The following SEMA3D variants were observed in gnomAD, a reference collection of about 807,000 sequenced individuals.
The protein encoded by SEMA3D is semaphorin 3D, also known as semaphorin-3D.
Under a neutral mutation model 100.1 loss-of-function variants are expected in SEMA3D, and 84 were observed. The ratio of observed to expected loss-of-function variants is 0.84; its 90% CI spans 0.70 to 1.01. The LOEUF (loss-of-function observed/expected upper bound fraction) is 1.01, where lower values mean the gene tolerates loss of function less well. SEMA3D is among the 50% of genes least tolerant of loss of function. SEMA3D has a pLI of 0.00. For synonymous variants in SEMA3D, 312 were observed against 320.7 expected (o/e 0.97, Z 0.29); for missense variants, 875 against 934.1 (o/e 0.94, Z 0.82).
At chr7:85,038,103 C>T (rs942993447) in intron 11 of SEMA3D, among the ~76,000 whole-genome samples, 13 of 151,850 alleles carry the variant, frequency 8.6e-5, no homozygotes, top group South Asian at 2.1e-4. Flanking sequence ...TGTTAAATGA[C>T]GAGTTACTGG....
At chr7:85,069,284 T>A (rs116460971) in intron 6 of SEMA3D, among the ~76,000 whole-genome samples, 5,265 of 152,254 alleles carry the variant, frequency 0.035, 308 homozygotes, top group African/African-American at 0.12. Flanking sequence ...CAGATCTTTG[T>A]TTTTCTTTTG....
chr7:85,039,909 C>T (rs1413358599), intron 11 of SEMA3D, among the ~76,000 whole-genome samples: 5 of 150,196 alleles, frequency 3.3e-5, no homozygotes, highest in African/African-American at 1.2e-4. Flanking sequence ...TTCCTTAGTA[C>T]TATCACTATG....
chr7:85,008,865 T>C (rs1290637756), intron 17 of SEMA3D, among the ~76,000 whole-genome samples: 1 of 151,740 alleles, frequency 6.6e-6, no homozygotes, highest in East Asian at 1.9e-4. Flanking sequence ...TCATGTACAA[T>C]AATATTAAAA....
chr7:85,048,402 G>T (rs1012639951), intron 9 of SEMA3D, among the ~76,000 whole-genome samples: 1 of 151,722 alleles, frequency 6.6e-6, no homozygotes, highest in Non-Finnish European at 1.5e-5. Flanking sequence ...ACTCAGGGTG[G>T]TCTATTCAGA....
rs1041590123 is a variant in SEMA3D at position 85,172,274 on chromosome 7, T to A, written c.-173+14404A>T. Among the ~76,000 whole-genome samples, 8 of 152,028 alleles carry A rather than the reference T, an allele frequency of 5.3e-5. No homozygotes were observed. The East Asian group carries it at 9.7e-4, about 18-fold the overall frequency. ...TCTGTAGATAGGGTTTTGTAAATTA[T>A]TAAAATCTGATATATTGATGAGGAC... On this transcript the variant is annotated intron_variant, in intron 1 of 18. Transcript: ENST00000284136.
chr7:85,030,989 T>C (rs542693168), intron 12 of SEMA3D, among the ~76,000 whole-genome samples: 4 of 152,160 alleles, frequency 2.6e-5, no homozygotes, highest in Admixed American at 6.6e-5. Context: ...TCAAATATTC[T>C]ATTTGGACAC....
intron 1 of SEMA3D, among the ~76,000 whole-genome samples, chr7:85,168,077 T>A (rs1790961611): frequency 6.6e-6 from 1 of 151,880 alleles, no homozygotes; most frequent in Non-Finnish European, 1.5e-5. Flanking sequence ...TTGAAAAGTT[T>A]GACAGAATTT....
intron 8 of SEMA3D, among the ~76,000 whole-genome samples, chr7:85,060,158 T>A (rs1350439394): frequency 6.6e-6 from 1 of 152,244 alleles, no homozygotes; most frequent in Non-Finnish European, 1.5e-5. Flanking sequence ...TTGCAAGTAC[T>A]GTAAAAAATG....
At chr7:85,014,836 G>A (rs1790052537) in intron 16 of SEMA3D, among the ~76,000 whole-genome samples, 1 of 151,742 alleles carries the variant, frequency 6.6e-6, no homozygotes, top group African/African-American at 2.4e-5. Flanking sequence ...TATTAAAATT[G>A]TTTGAAGTTC....
chr7:84,999,913 T>C (rs1381035244), intron 18 of SEMA3D, 48 bp from the exon 19 acceptor site: 5 of 1,484,724 alleles, frequency 3.4e-6, no homozygotes, highest in Non-Finnish European at 4.6e-6. Context: ...CAGAGAGAGC[T>C]AAGAGCAAAT....
chr7:85,142,253 T>G (rs1263283260), intron 2 of SEMA3D: 1 of 981,844 alleles, frequency 1.0e-6, no homozygotes, highest in Non-Finnish European at 1.2e-6. Context: ...ATATAATAAA[T>G]TTTTGAACCA....
At chr7:85,138,407 G>A (rs1221103710) in intron 2 of SEMA3D, among the ~76,000 whole-genome samples, 2 of 151,756 alleles carry the variant, frequency 1.3e-5, no homozygotes, top group Non-Finnish European at 2.9e-5. Context: ...TCACGTCTCA[G>A]CCTCTAGAGC....
At chr7:85,155,945 CA>C (rs1172474887) in intron 1 of SEMA3D, among the ~76,000 whole-genome samples, 4 of 152,008 alleles carry the variant, frequency 2.6e-5, no homozygotes, top group African/African-American at 9.7e-5. Flanking sequence ...CTTTTAATTC[CA>C]AATGTGCACT....
At chr7:85,241,467 GTATATA>G in the SEMA3D span, among the ~76,000 whole-genome samples, 22 of 91,976 alleles carry the variant, frequency 2.4e-4, 1 homozygote, top group South Asian at 2.4e-3. Flanking sequence ...CTGTGTGTGT[GTATATA>G]TATATATATA....
intron 3 of SEMA3D, among the ~76,000 whole-genome samples, chr7:85,111,639 T>A (rs1455097790): frequency 6.6e-6 from 1 of 152,092 alleles, no homozygotes; most frequent in Admixed American, 6.6e-5. Flanking sequence ...TTTCTGTGTA[T>A]TGTCAACATA....
At chr7:85,161,931 G>A (rs1394732935) in intron 1 of SEMA3D, among the ~76,000 whole-genome samples, 1 of 152,076 alleles carries the variant, frequency 6.6e-6, no homozygotes, top group East Asian at 1.9e-4. Context: ...AGAAAACTCT[G>A]AAGAAATGAA....
chr7:85,159,205 A>C (rs1198922009), intron 1 of SEMA3D, among the ~76,000 whole-genome samples: 1 of 152,184 alleles, frequency 6.6e-6, no homozygotes, highest in African/African-American at 2.4e-5. Flanking sequence ...ACTGTCAGTA[A>C]GGGTAGAGGA....
At chr7:85,128,313 G>A (rs879896176) in intron 2 of SEMA3D, among the ~76,000 whole-genome samples, 12 of 151,654 alleles carry the variant, frequency 7.9e-5, no homozygotes, top group Admixed American at 2.6e-4. Context: ...GATTACAGGC[G>A]CACGCCACCA....
At chr7:85,154,091 C>T (rs1235229965) in intron 1 of SEMA3D, among the ~76,000 whole-genome samples, 1 of 152,060 alleles carries the variant, frequency 6.6e-6, no homozygotes, top group African/African-American at 2.4e-5. Flanking sequence ...CACATAAAAT[C>T]AACCATTACA....
Sources: allele counts gnomAD v4.1 joint callset (sites outside exome capture counted in the v4.1 genomes callset), GRCh38; gene constraint gnomAD v4.1.1; transcripts MANE v1.5; gene names NCBI Gene and HGNC (gene_info 2026-07-23, HGNC 2026-07-21).